EYS: variants seen among roughly 807,000 people sequenced by gnomAD.
EYS encodes the protein protein eyes shut homolog.
In EYS, 250 loss-of-function variants were observed where a neutral mutation model predicts 282.1. That is an observed-to-expected ratio of 0.89 (90% CI 0.80 to 0.98). The LOEUF (loss-of-function observed/expected upper bound fraction) is 0.98, where lower values mean the gene tolerates loss of function less well. Among genes scored for constraint, EYS ranks in the 50% least tolerant of loss-of-function variants. The pLI is 0.00. For missense variants in EYS, 4,016 were observed against 3,709.0 expected (o/e 1.08, Z -2.15); for synonymous variants, 1,355 against 1,282.9 (o/e 1.06, Z -1.20).
At chr6:65,415,009 G>A (rs1767174506) in intron 5 of EYS, among the ~76,000 whole-genome samples, 1 of 152,010 alleles carries the variant, frequency 6.6e-6, no homozygotes, top group Non-Finnish European at 1.5e-5. Context: ...GAATGTAGGA[G>A]AAACAAGAGT....
At chr6:63,778,365 C>A in intron 39 of EYS, 185 bp from the exon 40 acceptor site, 1 of 578,198 alleles carries the variant, frequency 1.7e-6, no homozygotes, top group Non-Finnish European at 3.0e-6. Flanking sequence ...TTCATGATAT[C>A]ATTTCACAGC....
chr6:63,956,756 C>T (rs758295237), intron 35 of EYS, among the ~76,000 whole-genome samples: 11 of 152,136 alleles, frequency 7.2e-5, no homozygotes, highest in Non-Finnish European at 1.5e-4. Flanking sequence ...AAGTTTAACA[C>T]GTATTTCCCA....
chr6:65,433,258 G>A (rs894377441), intron 5 of EYS, among the ~76,000 whole-genome samples: 4 of 152,040 alleles, frequency 2.6e-5, no homozygotes, highest in Admixed American at 6.5e-5. Flanking sequence ...AAGTGAAGAC[G>A]GTACTTTAAA....
intron 22 of EYS, among the ~76,000 whole-genome samples, chr6:64,781,346 T>C (rs759970020): frequency 6.6e-5 from 10 of 152,136 alleles, no homozygotes; most frequent in Non-Finnish European, 1.3e-4. Context: ...TCAGTAATTC[T>C]AATAGGCAGA....
intron 19 of EYS, among the ~76,000 whole-genome samples, chr6:64,849,922 T>C (rs926564586): frequency 2.0e-5 from 3 of 151,918 alleles, no homozygotes; most frequent in Non-Finnish European, 4.4e-5. Flanking sequence ...CTTTTTTATA[T>C]AATAATTTAA....
At chr6:65,607,313 T>TA (rs1004281766) in intron 2 of EYS, among the ~76,000 whole-genome samples, 4 of 150,714 alleles carry the variant, frequency 2.7e-5, no homozygotes, top group Admixed American at 6.6e-5. Context: ...TGTATTCACT[T>TA]AAAAAAAAAT....
intron 18 of EYS, among the ~76,000 whole-genome samples, chr6:64,890,505 C>T (rs1767256016): frequency 6.6e-6 from 1 of 152,096 alleles, no homozygotes; most frequent in Admixed American, 6.6e-5. Context: ...CTCAAGCCAG[C>T]TGACGCTTAA....
intron 8 of EYS, among the ~76,000 whole-genome samples, chr6:65,383,744 G>T (rs1765702175): frequency 6.6e-6 from 1 of 151,650 alleles, no homozygotes; most frequent in South Asian, 2.1e-4. Flanking sequence ...TTTTATATTT[G>T]TAAGTATTAA....
intron 2 of EYS, among the ~76,000 whole-genome samples, chr6:65,608,819 G>T (rs1005693484): frequency 1.3e-5 from 2 of 151,806 alleles, no homozygotes; most frequent in African/African-American, 2.4e-5. Flanking sequence ...ACACATATTA[G>T]TCTATGCCTA....
In EYS at chr6:63,905,329, CTT is replaced by C. The variant is rs377115720; in HGVS notation, c.7056-40973_7056-40972del. ...TAAATAAGGGGATTTCTTTTTTTTT[CTT>C]TTTTTTTTTTTTTTTTGAGACGGAG... is the stretch of plus-strand genomic sequence containing the variant. On this transcript the variant is annotated intron_variant, in intron 35 of 42. Transcript: ENST00000503581. Among the ~76,000 whole-genome samples the C allele has an allele frequency of 3.9e-3, 462 of 118,252 alleles. 1 individual carries two copies. The highest frequency in any genetic ancestry group is 0.014 in the African/African-American group (424 of 29,694). The allele number at this position is 118,252 out of a possible 152,430, so 77.6% of individuals were successfully genotyped here.
At chr6:64,348,859 C>G (rs1452128081) in intron 29 of EYS, among the ~76,000 whole-genome samples, 3 of 151,308 alleles carry the variant, frequency 2.0e-5, no homozygotes. Context: ...ATTTACCATC[C>G]TTTTACCAAT....
intron 13 of EYS, among the ~76,000 whole-genome samples, chr6:65,055,929 A>G (rs901571562): frequency 6.6e-6 from 1 of 152,000 alleles, no homozygotes; most frequent in African/African-American, 2.4e-5. Context: ...TTTACATGCC[A>G]TACTCTTTGA....
intron 9 of EYS, among the ~76,000 whole-genome samples, chr6:65,347,465 A>T (rs1340742987): frequency 6.6e-6 from 1 of 151,670 alleles, no homozygotes; most frequent in East Asian, 1.9e-4. Context: ...GTCTTTCATA[A>T]GCAGATATTT....
At chr6:64,155,298 T>C (rs1774879153) in intron 31 of EYS, among the ~76,000 whole-genome samples, 1 of 152,166 alleles carries the variant, frequency 6.6e-6, no homozygotes, top group Non-Finnish European at 1.5e-5. Flanking sequence ...TAAAAGGGTG[T>C]GATCATTTCC....
intron 33 of EYS, 29 bp downstream of exon 33, chr6:64,066,309 A>G (rs1016293105): frequency 4.3e-5 from 66 of 1,524,874 alleles, no homozygotes; most frequent in Non-Finnish European, 4.8e-5. Context: ...TTTCAGCACG[A>G]AAGAACTACC....
At chr6:64,550,365 T>C (rs1765033902) in intron 26 of EYS, among the ~76,000 whole-genome samples, 2 of 152,006 alleles carry the variant, frequency 1.3e-5, no homozygotes, top group African/African-American at 4.8e-5. Context: ...AGTGTAAAAG[T>C]GTTCCTATTT....
At chr6:64,953,488 A>G (rs931277003) in intron 14 of EYS, among the ~76,000 whole-genome samples, 4 of 151,850 alleles carry the variant, frequency 2.6e-5, no homozygotes, top group Non-Finnish European at 4.4e-5. Flanking sequence ...ACTTTAATTC[A>G]TAAATACTTA....
intron 28 of EYS, among the ~76,000 whole-genome samples, chr6:64,419,637 A>C (rs1411996483): frequency 6.6e-6 from 1 of 152,182 alleles, no homozygotes; most frequent in Non-Finnish European, 1.5e-5. Context: ...TACCAGAACA[A>C]AGTCCAAAAT....
chr6:65,608,058 G>A (rs193041653), intron 2 of EYS, among the ~76,000 whole-genome samples: 239 of 152,020 alleles, frequency 1.6e-3, no homozygotes, highest in African/African-American at 5.5e-3. Context: ...TCTTTAGAAT[G>A]ATATAGATAA....
Sources: gnomAD v4.1 joint callset for allele counts (sites outside exome capture counted in the v4.1 genomes callset) on GRCh38, gnomAD v4.1.1 for gene constraint, MANE v1.5 for transcripts, NCBI Gene and HGNC (gene_info 2026-07-23, HGNC 2026-07-21) for gene names.